CAPN11: variants seen among roughly 807,000 people sequenced by gnomAD.
The protein encoded by CAPN11 is calpain 11.
Under a neutral mutation model 105.3 loss-of-function variants are expected in CAPN11, and 108 were observed. The observed-to-expected ratio is 1.03, with a 90% CI of 0.88 to 1.20. The LOEUF is 1.20. Ranked by LOEUF, CAPN11 falls within the 50% of genes most tolerant of loss-of-function variation. The pLI is 0.00. For synonymous variants in CAPN11, 329 were observed against 344.5 expected (o/e 0.96, Z 0.50); for missense variants, 883 against 924.8 (o/e 0.95, Z 0.59).
chr6:44,164,971 C>A (rs1055500954), intron 1 of CAPN11, among the ~76,000 whole-genome samples: 14 of 152,112 alleles, frequency 9.2e-5, no homozygotes, highest in African/African-American at 3.4e-4. Context: ...CTCACTGCAA[C>A]CTCCACCTCC....
chr6:44,183,786 G>A, intron 22 of CAPN11, 23 bp downstream of exon 22: 1 of 1,611,818 alleles, frequency 6.2e-7, no homozygotes, highest in South Asian at 1.1e-5. Context: ...GGGTGGGAAG[G>A]AATCTGCAGG....
intron 4 of CAPN11, among the ~76,000 whole-genome samples, chr6:44,170,478 A>G (rs1265145913): frequency 6.6e-6 from 1 of 152,154 alleles, no homozygotes. Flanking sequence ...AGGAGGCCCC[A>G]GTTCCTCACC....
intron 10 of CAPN11, 35 bp from the exon 11 acceptor site, chr6:44,176,803 T>G: frequency 6.2e-7 from 1 of 1,611,432 alleles, no homozygotes; most frequent in South Asian, 1.1e-5. Context: ...GATGCAAGTG[T>G]GCTGCTGACG....
At chr6:44,163,611 G>A (rs980404128) in intron 1 of CAPN11, among the ~76,000 whole-genome samples, 15 of 152,250 alleles carry the variant, frequency 9.9e-5, no homozygotes, top group African/African-American at 3.4e-4. Context: ...CTAACCAGTG[G>A]GGTTGTTGGG....
rs766781127 is a variant in CAPN11, at chr6:44,180,049, G to A, written c.1526G>A (p.Ser509Asn). 1 of 1,612,864 alleles carries A rather than the reference G, an allele frequency of 6.2e-7. No homozygotes were observed. The highest frequency in any genetic ancestry group is 1.1e-5 in the South Asian group (1 of 91,062). ...ATCTTCACCAACTCACGGGAGGTGA[G>A]CAGCCAACTCCGGCTGCCTCCGGGG... The part of the protein sequence containing the change: ...SEIFTNSREV[S>N]SQLRLPPGEY... The change falls in exon 14 of 23, where the codon AGC becomes AAC. Residue 509 changes from serine (S) to asparagine (N), a missense_variant. Ser to Asn is a conservative substitution (Grantham distance 46, BLOSUM62 1). Coordinates refer to ENST00000398776, the MANE Select transcript of CAPN11 (RefSeq NM_007058.4).
rs375012675 is a variant in CAPN11, at chr6:44,180,987, A to G, written c.1859A>G (p.Asn620Ser). Residue 620 changes from asparagine (N) to serine (S), a missense_variant, in exon 18 of 23, where the codon AAC becomes AGC. Asn to Ser is a conservative substitution (Grantham distance 46, BLOSUM62 1). Coordinates refer to ENST00000398776, the MANE Select transcript of CAPN11 (RefSeq NM_007058.4). Reference protein sequence around the residue: ...FGLDACRCMINLMDKDGSGKL... With the variant: ...FGLDACRCMISLMDKDGSGKL... ...CTGGATGCTTGCCGCTGCATGATCA[A>G]CCTCATGGATGTATCCTCCTGTCCA... The G allele has an allele frequency of 5.0e-6, 8 of 1,613,158 alleles. No individual in the cohort carries two copies. In the African/African-American group the frequency reaches 8.0e-5, roughly 16 times the overall value.
At position 44,181,236 on chromosome 6, in the gene CAPN11, C is replaced by T. The variant is rs980399981; in HGVS notation, c.1870-16C>T. ...CCTTCTTCACTCCTTCTCTGCTGTC[C>T]TTGACCACCTTCCAGAAAGATGGCT... On this transcript the variant is annotated splice_polypyrimidine_tract_variant and intron_variant, in intron 18 of 22. Coordinates refer to ENST00000398776, the MANE Select transcript of CAPN11 (RefSeq NM_007058.4). 2.0e-5 allele frequency: 32 copies of T among 1,613,064 alleles called. No individual in the cohort carries two copies. The highest frequency in any genetic ancestry group is 2.7e-5 in the Non-Finnish European group (32 of 1,179,194).
rs1474434337 is a variant in CAPN11 at position 44,183,088 on chromosome 6, T to TC, written c.2018-27dup. The TC allele has an allele frequency of 1.9e-6, 3 of 1,599,254 alleles. No homozygotes were observed. The South Asian group carries it at 3.3e-5, about 18-fold the overall frequency. On this transcript the variant is annotated intron_variant, in intron 20 of 22. Coordinates refer to ENST00000398776, the MANE Select transcript of CAPN11 (RefSeq NM_007058.4). ...GGCAGTGTCCAGAGGCCCAGACTTT[T>TC]CCCCTCCCCACTTCTCTCTCCCTCT...
chr6:44,164,046 T>C (rs983016384), intron 1 of CAPN11, among the ~76,000 whole-genome samples: 1 of 152,118 alleles, frequency 6.6e-6, no homozygotes, highest in Non-Finnish European at 1.5e-5. Flanking sequence ...GGTCTCACCA[T>C]GTTCCCCTTG....
chr6:44,172,912 G>A (rs749694993), intron 5 of CAPN11, 28 bp from the exon 6 acceptor site: 53 of 1,609,156 alleles, frequency 3.3e-5, no homozygotes, highest in Middle Eastern at 1.7e-4. Flanking sequence ...GGGTTCCCAC[G>A]CAAGGGGTGT....
At chr6:44,167,527 G>C (rs1377852748) in intron 2 of CAPN11, among the ~76,000 whole-genome samples, 2 of 133,308 alleles carry the variant, frequency 1.5e-5, no homozygotes, top group Admixed American at 1.5e-4. Context: ...AAAAATAGCA[G>C]CATCTGTTTA....
intron 7 of CAPN11, 35 bp downstream of exon 7, chr6:44,173,421 C>G: frequency 7.1e-7 from 1 of 1,412,738 alleles, no homozygotes; most frequent in Non-Finnish European, 9.8e-7. Context: ...AGGGCCTTTG[C>G]ACCTGCTGTT....
In CAPN11 at chr6:44,180,594, C is replaced by G; in HGVS notation, c.1681-3C>G. ...GGTCCCTTTCCTGCTCCCCGGCCCC[C>G]AGGAAAAGGTCTCTGAGGATGACAT... On this transcript the variant is annotated splice_region_variant and splice_polypyrimidine_tract_variant and intron_variant, in intron 15 of 22. Coordinates refer to ENST00000398776, the MANE Select transcript of CAPN11 (RefSeq NM_007058.4). 1 of 1,613,826 alleles carries G rather than the reference C, an allele frequency of 6.2e-7. No individual in the cohort carries two copies. The highest frequency in any genetic ancestry group is 2.2e-5 in the East Asian group (1 of 44,862).
At position 44,172,364 on chromosome 6, in the gene CAPN11, G is replaced by T; in HGVS notation, c.472G>T (p.Val158Leu). Reference protein sequence around the residue: ...LTTCPKLLYRVVPRGQSFKKN... With the variant: ...LTTCPKLLYRLVPRGQSFKKN... ...CACCTGCCCCAAACTGCTATACCGC[G>T]TGGTGCCCAGAGGACAGAGCTTCAA... Residue 158 changes from valine to leucine, a missense_variant, in exon 5 of 23, where the codon GTG becomes TTG. By Grantham distance (32) the Val-to-Leu change is conservative. Coordinates refer to ENST00000398776, the MANE Select transcript of CAPN11 (RefSeq NM_007058.4). 1.3e-6 allele frequency: 2 copies of T among 1,562,194 alleles called. No homozygotes were observed. The highest frequency in any genetic ancestry group is 4.8e-5 in the East Asian group (2 of 41,610).
At chr6:44,177,491 T>A in intron 12 of CAPN11, 71 bp downstream of exon 12, 2 of 1,392,000 alleles carry the variant, frequency 1.4e-6, no homozygotes, top group South Asian at 1.3e-5. Flanking sequence ...TTTCTTTCTT[T>A]CTTTTTTTTT....
At chr6:44,160,140 A>T (rs1768467401) in intron 1 of CAPN11, among the ~76,000 whole-genome samples, 1 of 152,204 alleles carries the variant, frequency 6.6e-6, no homozygotes, top group Non-Finnish European at 1.5e-5. Context: ...ATCTCAAAAA[A>T]AAAAGAAAAT....
At chr6:44,165,963 C>T (rs1182972129) in intron 1 of CAPN11, among the ~76,000 whole-genome samples, 1 of 152,128 alleles carries the variant, frequency 6.6e-6, no homozygotes, top group East Asian at 1.9e-4. Context: ...TCTGAAGGCC[C>T]TGGCCTCGGA....
Position 44,158,857 on chromosome 6 carries a change from C to A in CAPN11, c.9C>A (p.Tyr3Ter). Residue 3 changes from tyrosine (Y) to a stop codon, truncating the protein, a stop_gained, in exon 1 of 23, where the codon TAC becomes TAA. Coordinates refer to ENST00000398776, the MANE Select transcript of CAPN11 (RefSeq NM_007058.4). LOFTEE classifies it high-confidence loss of function. ...CCGAGCTAGCCACCAGCATGCTGTACTCCCCAGGTAGGCACTCATGGGGCC... is the reference window on the plus strand; with the variant it reads ...CCGAGCTAGCCACCAGCATGCTGTAATCCCCAGGTAGGCACTCATGGGGCC... The part of the protein sequence containing the change: ML[Y>*]SPGPSLPESA... 1 of 1,551,414 alleles carries A rather than the reference C, an allele frequency of 6.4e-7. No individual in the cohort carries two copies. The highest frequency in any genetic ancestry group is 2.4e-5 in the East Asian group (1 of 40,902).
In CAPN11 at chr6:44,172,922, T is replaced by G. The variant is rs760767972; in HGVS notation, c.529-18T>G. 1.6e-5 allele frequency: 25 copies of G among 1,611,786 alleles called. No homozygotes were observed. The highest frequency in any genetic ancestry group is 2.1e-5 in the Non-Finnish European group (25 of 1,178,894). On this transcript the variant is annotated intron_variant, in intron 5 of 22. Coordinates refer to ENST00000398776, the MANE Select transcript of CAPN11 (RefSeq NM_007058.4). ...TGATAGGGTTCCCACGCAAGGGGTG[T>G]GTGTTTGCTACCCACAGATTTGGCA...
Sources: gnomAD v4.1 joint callset for allele counts (sites outside exome capture counted in the v4.1 genomes callset) on GRCh38, gnomAD v4.1.1 for gene constraint, MANE v1.5 for transcripts, NCBI Gene and HGNC (gene_info 2026-07-23, HGNC 2026-07-21) for gene names.